Variants in PLXNB3 observed in about 807,000 individuals in gnomAD.
PLXNB3 encodes plexin-B3.
A neutral mutation model predicts 125.7 loss-of-function variants in PLXNB3; 80 were observed. The observed-to-expected ratio is 0.64, with a 90% CI of 0.53 to 0.77. PLXNB3 has a LOEUF of 0.77. Ranked by LOEUF, PLXNB3 falls within the 30% of genes least tolerant of loss-of-function variation. PLXNB3 has a pLI of 0.00. For synonymous variants in PLXNB3, 954 were observed against 783.3 expected, an observed-to-expected ratio of 1.22 and a Z score of -3.64; for missense variants, 1,836 against 1,729.3, an observed-to-expected ratio of 1.06 and a Z score of -1.09.
At chrX:153,765,013 G>C (rs1013632773) in intron 1 of PLXNB3, among the ~76,000 whole-genome samples, 7 of 113,245 alleles carry the variant, frequency 6.2e-5, no homozygotes, top group Non-Finnish European at 1.3e-4. Context: ...GCCAGGACTG[G>C]CACTTCACCC....
At position 153,767,353 on chromosome X, in the gene PLXNB3, CTGG is replaced by C; in HGVS notation, c.532_534del (p.Val178del). On this transcript the variant is annotated inframe_deletion, in exon 3 of 36. Transcript: ENST00000361971. The stretch of plus-strand genomic sequence containing the variant: ...TACCCCGGGAGTGGCAACGGTGGGG[CTGG>C]TGGTGCCCTTGCCCGGCCGGGACCT... 1 of 1,199,735 alleles carries C rather than the reference CTGG, an allele frequency of 8.3e-7. No homozygotes were observed. Among genetic ancestry groups the C allele is most frequent in the South Asian group, 1.8e-5 (1 of 55,079 alleles).
In PLXNB3 at chrX:153,775,360, G is replaced by T; in HGVS notation, c.4291G>T (p.Ala1431Ser). The stretch of plus-strand genomic sequence containing the variant: ...CATGAGGACCCTGCTGGGTGACCTG[G>T]CGGCCCATTACGTGCACAGGAACCC... ...DIMRTLLGDL[A>S]AHYVHRNPKL... Residue 1431 changes from alanine (A) to serine (S), a missense_variant, in exon 25 of 36, where the codon GCG becomes TCG. Physicochemically the swap from Ala to Ser is moderately conservative, Grantham distance 99. Transcript: ENST00000361971. 2.5e-6 allele frequency: 3 copies of T among 1,210,056 alleles called. No individual in the cohort carries two copies. The highest frequency in any genetic ancestry group is 3.4e-6 in the Non-Finnish European group (3 of 894,907).
Position 153,773,658 on chromosome X carries a change from G to A in PLXNB3, c.3224G>A (p.Gly1075Glu). Reference sequence around the variant, plus strand: ...GACCCACAGCCAAGGAGGAGCTGTGGAGCCCCTGCTGCGGACCCCCAGGCT... The same window carrying A: ...GACCCACAGCCAAGGAGGAGCTGTGAAGCCCCTGCTGCGGACCCCCAGGCT... ...PQDPQPRRSC[G>E]APAADPQACI... The change falls in exon 19 of 36, where the codon GGA becomes GAA. Residue 1075 changes from glycine to glutamate, a missense_variant. Coordinates refer to ENST00000361971, the MANE Select transcript of PLXNB3 (RefSeq NM_005393.3). 1 of 1,184,908 alleles carries A rather than the reference G, an allele frequency of 8.4e-7. No homozygotes were observed. The highest frequency in any genetic ancestry group is 1.1e-6 in the Non-Finnish European group (1 of 882,883).
In PLXNB3 at chrX:153,774,420, G is replaced by C; in HGVS notation, c.3679G>C (p.Val1227Leu). The C allele has an allele frequency of 8.4e-7, 1 of 1,185,540 alleles. No homozygotes were observed. Among genetic ancestry groups the C allele is most frequent in the Non-Finnish European group, 1.1e-6 (1 of 880,923 alleles). Reference protein sequence around the residue: ...ANGSGLPQFVVQMGNVQLALG... With the variant: ...ANGSGLPQFVLQMGNVQLALG... Reference sequence around the variant, plus strand: ...CTCAGGAACCCTGCCCGCCCCCCAGGTGCAGATGGGCAATGTGCAGCTGGC... The same window carrying C: ...CTCAGGAACCCTGCCCGCCCCCCAGCTGCAGATGGGCAATGTGCAGCTGGC... Residue 1227 changes from valine (V) to leucine (L), a missense_variant and splice_region_variant, in exon 22 of 36, where the codon GTG becomes CTG. Coordinates refer to ENST00000361971, the MANE Select transcript of PLXNB3 (RefSeq NM_005393.3).
intron 18 of PLXNB3, 51 bp downstream of exon 18, chrX:153,773,457 G>A: frequency 8.4e-7 from 1 of 1,184,002 alleles, no homozygotes; most frequent in Non-Finnish European, 1.1e-6. Context: ...AGGGAAGGTG[G>A]GATGCGGGCT....
chrX:153,772,352 C>T (rs181395220), intron 16 of PLXNB3, 65 bp downstream of exon 16: 4 of 832,685 alleles, frequency 4.8e-6, no homozygotes, highest in African/African-American at 4.0e-5. Context: ...GAAGGACAGG[C>T]GCCTAGTAAG....
chrX:153,766,425 C>T (rs1427002954), intron 2 of PLXNB3: 13 of 1,073,312 alleles, frequency 1.2e-5, no homozygotes, highest in Non-Finnish European at 1.6e-5. Flanking sequence ...CGCAGGGGCG[C>T]GCTGTGACAC....
In PLXNB3 at chrX:153,770,256, G is replaced by C; in HGVS notation, c.1786+8G>C. ...TTAACCCTCCAGGCACAGGTGAGTG[G>C]CCCATGGGGTAGGGGGCTGGGATGG... is the stretch of plus-strand genomic sequence containing the variant. On this transcript the variant is annotated splice_region_variant and intron_variant, in intron 8 of 35. Transcript: ENST00000361971. 8.3e-7 allele frequency: 1 copy of C among 1,210,165 alleles called. No individual in the cohort carries two copies. Among genetic ancestry groups the C allele is most frequent in the Non-Finnish European group, 1.1e-6 (1 of 894,953 alleles).
chrX:153,765,803 G>A (rs1211137312), intron 2 of PLXNB3: 3 of 753,056 alleles, frequency 4.0e-6, no homozygotes, highest in African/African-American at 2.3e-5. Context: ...GCCCTGAGTC[G>A]CAGCGGCCCC....
Position 153,770,415 on chromosome X carries a change from A to G in PLXNB3, c.1864A>G (p.Ser622Gly), listed in dbSNP as rs782552714. ...AATNFSFYDCSAVQALEAAAP... is the reference protein window; with the variant it reads ...AATNFSFYDCGAVQALEAAAP... ...CACCAACTTCTCCTTTTATGACTGC[A>G]GTGCCGTCCAGGCCTTGGAGGCGGC... is the stretch of plus-strand genomic sequence containing the variant. The change falls in exon 9 of 36, where the codon AGT becomes GGT. Residue 622 changes from serine (S) to glycine (G), a missense_variant. Physicochemically the swap from Ser to Gly is moderately conservative, Grantham distance 56. Transcript: ENST00000361971. The G allele has an allele frequency of 2.1e-5, 25 of 1,209,998 alleles. No homozygotes were observed. In the Middle Eastern group the frequency reaches 6.9e-4, roughly 33 times the overall value.
Position 153,777,288 on chromosome X carries a change from G to T in PLXNB3, c.5008G>T (p.Ala1670Ser). 2 of 1,204,481 alleles carry T rather than the reference G, an allele frequency of 1.7e-6. No individual in the cohort carries two copies. The highest frequency in any genetic ancestry group is 2.2e-6 in the Non-Finnish European group (2 of 891,306). Reference sequence around the variant, plus strand: ...GAAAGCCACCGAGGAGCCAGAAGGGGCCAAGGTGCGGTGCAGCAGCCTGCG... The same window carrying T: ...GAAAGCCACCGAGGAGCCAGAAGGGTCCAAGGTGCGGTGCAGCAGCCTGCG... ...LVKATEEPEG[A>S]KVRCSSLRER... is the part of the protein sequence containing the mutation. The change falls in exon 30 of 36, where the codon GCC becomes TCC. Residue 1670 changes from alanine (A) to serine (S), a missense_variant. Transcript: ENST00000361971.
intron 6 of PLXNB3, 34 bp from the exon 7 acceptor site, chrX:153,769,773 C>T (rs781823342): frequency 1.5e-5 from 18 of 1,187,936 alleles, no homozygotes; most frequent in Non-Finnish European, 1.9e-5. Context: ...AGTCTAGGAC[C>T]CCCACGGTGA....
chrX:153,769,055 C>G lies in PLXNB3; in HGVS notation c.1374C>G (p.Leu458=), dbSNP rs782515642. ...DLLLDSSGSH[L]YVLTAHQVDR... Reference sequence around the variant, plus strand: ...TGCTGGACAGCAGTGGCAGTCACCTCTATGTCCTGACTGCCCACCAGGTGA... The same window carrying G: ...TGCTGGACAGCAGTGGCAGTCACCTGTATGTCCTGACTGCCCACCAGGTGA... Residue 458 remains leucine (L), a synonymous_variant, in exon 5 of 36, where the codon CTC becomes CTG. Transcript: ENST00000361971. 40 of 1,209,728 alleles carry G rather than the reference C, an allele frequency of 3.3e-5. No homozygotes were observed. The highest frequency in any genetic ancestry group is 2.8e-4 in the South Asian group (16 of 56,819).
chrX:153,775,479 T>C, intron 25 of PLXNB3, 76 bp downstream of exon 25: 1 of 1,155,462 alleles, frequency 8.7e-7, no homozygotes, highest in Non-Finnish European at 1.2e-6. Context: ...CTGGGCGGGC[T>C]CTGTCCAGGG....
rs73640824 is a variant in PLXNB3, at chrX:153,768,773, G to C, written c.1267-175G>C. ...GCTGCCCCGGTGTCATGGTTCCCTG[G>C]AGAGTGTCCTAGGCCTGAGGGTGCT... On this transcript the variant is annotated intron_variant, in intron 4 of 35. Transcript: ENST00000361971. Among the ~76,000 whole-genome samples the C allele has an allele frequency of 0.064, 7,142 of 112,138 alleles. 528 individuals are homozygous for C. Among genetic ancestry groups the C allele is most frequent in the African/African-American group, 0.22 (6,644 of 30,695 alleles).
Position 153,771,007 on chromosome X carries a change from G to C in PLXNB3, c.2179G>C (p.Glu727Gln), listed in dbSNP as rs1456256645. 1.7e-6 allele frequency: 2 copies of C among 1,209,873 alleles called. No individual in the cohort carries two copies. The highest frequency in any genetic ancestry group is 1.1e-6 in the Non-Finnish European group (1 of 895,341). ...CCACTGCTGGCTGGAGCTGCCTGGA[G>C]AACTTCGGGGACTGCCGGCCACCCT... The part of the protein sequence containing the change: ...SFHCWLELPG[E>Q]LRGLPATLEE... The change falls in exon 12 of 36, where the codon GAA (glutamate) becomes CAA (glutamine). Residue 727 changes from glutamate to glutamine, a missense_variant. Physicochemically the swap from Glu to Gln is conservative, Grantham distance 29 (BLOSUM62 2). Coordinates refer to ENST00000361971, the MANE Select transcript of PLXNB3 (RefSeq NM_005393.3).
Position 153,772,216 on chromosome X carries a change from A to T in PLXNB3, c.2704A>T (p.Thr902Ser), listed in dbSNP as rs1557062246. The change falls in exon 16 of 36, where the codon ACC becomes TCC. Residue 902 changes from threonine (T) to serine (S), a missense_variant. Transcript: ENST00000361971. ...TGTGACATCTCCTGCCCCCAATGGC[A>T]CCACTGGGCCCGTCCGGGTGGCCAT... is the stretch of plus-strand genomic sequence containing the variant. ...VCVTSPAPNG[T>S]TGPVRVAIKS... The T allele has an allele frequency of 2.5e-6, 3 of 1,207,012 alleles. No homozygotes were observed. Among genetic ancestry groups the T allele is most frequent in the African/African-American group, 1.8e-5 (1 of 56,860 alleles).
Position 153,767,820 on chromosome X carries a change from ACT to A in PLXNB3, c.996_997del (p.Cys333LeufsTer30). ...GTGCCAGCATGGAGCAGGCCCGGAG[ACT>A]CTGCTACACGGCGGGCGGCCGGGGC... ...LGASMEQARRLCYTAGGRGPS... is the reference protein window; with the variant it reads ...LGASMEQARRXCYTAGGRGPS... On this transcript the variant is annotated frameshift_variant, in exon 3 of 36. Transcript: ENST00000361971. LOFTEE classifies it high-confidence loss of function. The A allele has an allele frequency of 2.6e-6, 3 of 1,153,386 alleles. No individual in the cohort carries two copies. The highest frequency in any genetic ancestry group is 3.5e-6 in the Non-Finnish European group (3 of 866,762).
Position 153,767,418 on chromosome X carries a change from G to T in PLXNB3, c.591G>T (p.Ser197=). 1 of 1,185,644 alleles carries T rather than the reference G, an allele frequency of 8.4e-7. No individual in the cohort carries two copies. The highest frequency in any genetic ancestry group is 1.1e-6 in the Non-Finnish European group (1 of 881,680). The change falls in exon 3 of 36, where the codon TCG becomes TCT. Residue 197 remains serine, a synonymous_variant. Transcript: ENST00000361971. ...CCAGAGGCCTGGCGGGCAAGCTGTC[G>T]GCAGGGGTGCCACCCCTGGCCATCC... ...LVARGLAGKL[S]AGVPPLAIRQ...
Sources: allele counts gnomAD v4.1 joint callset (sites outside exome capture counted in the v4.1 genomes callset), GRCh38; gene constraint gnomAD v4.1.1; transcripts MANE v1.5; gene names NCBI Gene and HGNC (gene_info 2026-07-23, HGNC 2026-07-21).